The following NHSL1 variants were observed in gnomAD, a reference collection of about 807,000 sequenced individuals.
The protein encoded by NHSL1 is NHS like 1.
In NHSL1, 48 loss-of-function variants were observed where a neutral mutation model predicts 95.0. The ratio of observed to expected loss-of-function variants is 0.51; its 90% CI spans 0.40 to 0.64. The LOEUF is 0.64. Among genes scored for constraint, NHSL1 ranks in the 30% least tolerant of loss-of-function variants. The pLI, the probability that NHSL1 is intolerant of heterozygous loss-of-function variation, is 0.00. For missense variants in NHSL1, 1,971 were observed against 2,077.7 expected (o/e 0.95, Z 1.00); for synonymous variants, 783 against 833.9 (o/e 0.94, Z 1.05).
At chr6:138,453,010 G>A (rs567626395) in intron 3 of NHSL1, among the ~76,000 whole-genome samples, 15 of 151,982 alleles carry the variant, frequency 9.9e-5, no homozygotes, top group African/African-American at 2.2e-4. Context: ...TCACTCTGTC[G>A]CCCAGGCTAG....
intron 1 of NHSL1, among the ~76,000 whole-genome samples, chr6:138,608,937 T>C (rs866234113): frequency 6.6e-6 from 1 of 152,226 alleles, no homozygotes; most frequent in Non-Finnish European, 1.5e-5. Context: ...CTCTGTTGGT[T>C]ACTAGAAGAT....
chr6:138,465,682 T>C (rs1778310581), intron 3 of NHSL1, among the ~76,000 whole-genome samples: 1 of 152,124 alleles, frequency 6.6e-6, no homozygotes, highest in Non-Finnish European at 1.5e-5. Context: ...AATCTTTGCA[T>C]TTTGCAGCAT....
intron 1 of NHSL1, among the ~76,000 whole-genome samples, chr6:138,578,439 CA>C (rs1784002801): frequency 6.6e-6 from 1 of 152,098 alleles, no homozygotes; most frequent in Non-Finnish European, 1.5e-5. Context: ...ACCAAAAATG[CA>C]ACATCTGTAC....
intron 2 of NHSL1, among the ~76,000 whole-genome samples, chr6:138,473,892 G>A (rs1285364386): frequency 2.6e-5 from 4 of 151,968 alleles, no homozygotes; most frequent in Admixed American, 1.3e-4. Flanking sequence ...AGACTCATTA[G>A]CTGGAAGTGA....
At chr6:138,451,472 T>C (rs1000321868) in intron 3 of NHSL1, among the ~76,000 whole-genome samples, 2 of 152,228 alleles carry the variant, frequency 1.3e-5, no homozygotes, top group Non-Finnish European at 2.9e-5. Flanking sequence ...ATTTTATTTA[T>C]ATATATTGTC....
At chr6:138,654,258 CT>C (rs1381892248) in intron 1 of NHSL1, among the ~76,000 whole-genome samples, 1 of 151,980 alleles carries the variant, frequency 6.6e-6, no homozygotes, top group Non-Finnish European at 1.5e-5. Flanking sequence ...TTTATTTTTT[CT>C]TAATATGCTT....
intron 2 of NHSL1, among the ~76,000 whole-genome samples, chr6:138,478,012 CTTTTTTTTTTTTTTTT>C (rs71009589): frequency 3.3e-5 from 1 of 29,996 alleles, no homozygotes; most frequent in South Asian, 1.2e-3. Flanking sequence ...ATTTATGTCA[CTTTTTTTTTTTTTTTT>C]TTTTTTTTTT....
rs1410535327 is a variant in NHSL1 at position 138,430,760 on chromosome 6, A to C, written c.3585T>G (p.Ile1195Met). Residue 1195 changes from isoleucine (I) to methionine (M), a missense_variant, in exon 6 of 8, where the codon ATT (isoleucine) becomes ATG (methionine). This residue lies in a region of NHSL1 where 1,602 missense variants were observed against 1,654.5 expected (regional missense o/e 0.97). Transcript: ENST00000343505. The surrounding 1 kb of genome is among the most constrained non-coding windows in gnomAD (Gnocchi z 4.7). ...DSSPSRKPPP[I>M]SKKPKLFLVV... is the part of the protein sequence containing the mutation. ...CCAGGAACAGTTTGGGCTTCTTGGA[A>C]ATGGGGGGTGGCTTCCTGCTGGGTG... 6.4e-7 allele frequency: 1 copy of C among 1,551,562 alleles called. No homozygotes were observed. Among genetic ancestry groups the C allele is most frequent in the South Asian group, 1.2e-5 (1 of 84,056 alleles).
chr6:138,600,641 G>A (rs947197120), intron 1 of NHSL1, among the ~76,000 whole-genome samples: 1 of 152,124 alleles, frequency 6.6e-6, no homozygotes, highest in Non-Finnish European at 1.5e-5. Flanking sequence ...CAATTTAAAT[G>A]AAAAATAATA....
intron 3 of NHSL1, among the ~76,000 whole-genome samples, chr6:138,467,021 A>T (rs934755071): frequency 6.6e-6 from 1 of 152,142 alleles, no homozygotes; most frequent in Non-Finnish European, 1.5e-5. Flanking sequence ...GTGAAACTCC[A>T]TCTCAAAACC....
chr6:138,628,416 T>C (rs1784774239), intron 1 of NHSL1, among the ~76,000 whole-genome samples: 1 of 152,224 alleles, frequency 6.6e-6, no homozygotes, highest in Non-Finnish European at 1.5e-5. Flanking sequence ...GGAAGCATGT[T>C]AATGTTTGGC....
chr6:138,683,107 C>A (rs970497207), intron 1 of NHSL1, among the ~76,000 whole-genome samples: 2 of 152,164 alleles, frequency 1.3e-5, no homozygotes, highest in African/African-American at 4.8e-5. Context: ...TGAAAGCAAG[C>A]CCATGTCCAT....
intron 1 of NHSL1, among the ~76,000 whole-genome samples, chr6:138,559,836 G>A (rs879871334): frequency 2.6e-5 from 4 of 152,210 alleles, no homozygotes; most frequent in Non-Finnish European, 4.4e-5. Context: ...ATGTAGACAC[G>A]CAGTAAAGGT....
chr6:138,435,756 C>G (rs1317724255), intron 5 of NHSL1, among the ~76,000 whole-genome samples: 1 of 145,118 alleles, frequency 6.9e-6, no homozygotes, highest in Admixed American at 7.0e-5. Flanking sequence ...TTTTACAAGT[C>G]GAAGGTTTGT....
chr6:138,582,805 C>T (rs1465254786), intron 1 of NHSL1, among the ~76,000 whole-genome samples: 22 of 152,192 alleles, frequency 1.4e-4, no homozygotes, highest in East Asian at 1.9e-4. Flanking sequence ...GAACATTTCT[C>T]ATCTTTTCCA....
At chr6:138,551,501 G>C (rs1158152993) in intron 1 of NHSL1, among the ~76,000 whole-genome samples, 2 of 152,088 alleles carry the variant, frequency 1.3e-5, no homozygotes, top group East Asian at 3.9e-4. Context: ...ATCCACTCTG[G>C]TGGCACCTAT....
At chr6:138,546,961 C>T (rs76284945), upstream of NHSL1, among the ~76,000 whole-genome samples, 596 of 152,292 alleles carry the variant, frequency 3.9e-3, 4 homozygotes, top group African/African-American at 0.014. Flanking sequence ...CCCTAAGTGG[C>T]CCCGTGGTCC....
At chr6:138,610,130 A>G (rs1274592892) in intron 1 of NHSL1, among the ~76,000 whole-genome samples, 1 of 152,130 alleles carries the variant, frequency 6.6e-6, no homozygotes, top group Non-Finnish European at 1.5e-5. Flanking sequence ...CTCATCCCAA[A>G]ATGTCCCCTT....
chr6:138,693,092 C>T (rs1785710889), upstream of NHSL1, among the ~76,000 whole-genome samples: 1 of 151,236 alleles, frequency 6.6e-6, no homozygotes, highest in African/African-American at 2.4e-5. This position sits in a 1 kb window ranked among gnomAD's most constrained non-coding sequence, Gnocchi z 4.3. Context: ...CGGCGGCGGC[C>T]GCGGCGGCGA....
Sources: allele counts gnomAD v4.1 joint callset (sites outside exome capture counted in the v4.1 genomes callset), GRCh38; gene constraint gnomAD v4.1.1; regional missense constraint gnomAD v4.1.1; non-coding constraint Gnocchi (gnomAD v3.1); transcripts MANE v1.5; gene names NCBI Gene and HGNC (gene_info 2026-07-23, HGNC 2026-07-21).